DNAAF11: variants seen among roughly 807,000 people sequenced by gnomAD.
DNAAF11 encodes the protein dynein axonemal assembly factor 11.
In DNAAF11, 45 loss-of-function variants were observed where a neutral mutation model predicts 60.8. That is an observed-to-expected ratio of 0.74 (90% confidence interval 0.58 to 0.95). The LOEUF (loss-of-function observed/expected upper bound fraction) is 0.95, where lower values mean the gene tolerates loss of function less well. DNAAF11 is among the 40% of genes least tolerant of loss of function. The probability of loss-of-function intolerance (pLI) is 0.00; values close to 1 mark genes in which losing one functional copy is unlikely to be tolerated. For synonymous variants in DNAAF11, 191 were observed against 183.5 expected (o/e 1.04, Z -0.33); for missense variants, 546 against 546.2 (o/e 1.00, Z 0.00).
chr8:132,608,691 T>C (rs1818352292), intron 10 of DNAAF11: 2 of 232,322 alleles, frequency 8.6e-6, no homozygotes, highest in Non-Finnish European at 1.8e-5. Flanking sequence ...GTTACACAAA[T>C]GTCTGTATCA....
chr8:132,654,825 A>G (rs940551599), intron 3 of DNAAF11, among the ~76,000 whole-genome samples: 4 of 151,924 alleles, frequency 2.6e-5, no homozygotes, highest in African/African-American at 9.7e-5. Flanking sequence ...TCCATAAAAA[A>G]CAACGACTCA....
At chr8:132,631,790 T>C (rs1387614500) in intron 5 of DNAAF11, among the ~76,000 whole-genome samples, 1 of 151,974 alleles carries the variant, frequency 6.6e-6, no homozygotes, top group African/African-American at 2.4e-5. Flanking sequence ...CCGCATGTTC[T>C]CACTCATAGG....
At chr8:132,701,133 T>C in the DNAAF11 span, among the ~76,000 whole-genome samples, 2 of 152,064 alleles carry the variant, frequency 1.3e-5, no homozygotes, top group East Asian at 1.9e-4. Flanking sequence ...TCACCTTTTT[T>C]AAGGGTCCCA....
At chr8:132,599,383 C>T (rs543504960) in intron 10 of DNAAF11, among the ~76,000 whole-genome samples, 1 of 152,262 alleles carries the variant, frequency 6.6e-6, no homozygotes, top group East Asian at 1.9e-4. Flanking sequence ...GAAACTATTC[C>T]AATCAATAGA....
At chr8:132,637,848 T>C (rs1344452066) in intron 4 of DNAAF11, 87 bp downstream of exon 4, 1 of 1,128,518 alleles carries the variant, frequency 8.9e-7, no homozygotes, top group East Asian at 2.4e-5. Context: ...AAGCAACACA[T>C]TCACTGTTGC....
intron 3 of DNAAF11, among the ~76,000 whole-genome samples, chr8:132,655,135 A>G (rs1823416118): frequency 6.6e-6 from 1 of 152,084 alleles, no homozygotes; most frequent in Admixed American, 6.5e-5. Flanking sequence ...AAACAACTGT[A>G]TGGTAAAGAA....
At chr8:132,652,881 G>A (rs1029833312) in intron 3 of DNAAF11, among the ~76,000 whole-genome samples, 33 of 151,854 alleles carry the variant, frequency 2.2e-4, no homozygotes, top group African/African-American at 7.5e-4. Flanking sequence ...CATGGCACGC[G>A]TATACCTATG....
At chr8:132,594,209 C>T (rs1326154122) in intron 10 of DNAAF11, among the ~76,000 whole-genome samples, 1 of 152,006 alleles carries the variant, frequency 6.6e-6, no homozygotes, top group Non-Finnish European at 1.5e-5. Context: ...TATTTATTTA[C>T]CAGAAGGCAA....
chr8:132,687,803 C>A, the DNAAF11 span: 1 of 412,400 alleles, frequency 2.4e-6, no homozygotes. Context: ...TATTGACCTG[C>A]ATTAACTGTA....
At chr8:132,608,743 G>T (rs886773442) in intron 10 of DNAAF11, among the ~76,000 whole-genome samples, 1 of 152,124 alleles carries the variant, frequency 6.6e-6, no homozygotes, top group Non-Finnish European at 1.5e-5. Flanking sequence ...TTTCCCTATA[G>T]AATATTCTGG....
Position 132,572,322 on chromosome 8 carries a change from A to C in DNAAF11, c.1385T>G (p.Val462Gly), listed in dbSNP as rs1563951609. 1 of 1,612,238 alleles carries C rather than the reference A, an allele frequency of 6.2e-7. No individual in the cohort carries two copies. Among genetic ancestry groups the C allele is most frequent in the Admixed American group, 1.7e-5 (1 of 59,602 alleles). Residue 462 changes from valine to glycine, a missense_variant, in exon 12 of 12, where the codon GTG (valine) becomes GGG (glycine). Transcript: ENST00000620350. ...CCAGATGTTTCAAATCAGCGGAGGC[A>C]CTTCAGGGTTGTCTTCAAAGGTTGG... ...EDPTFEDNPE[V>G]PPLI
chr8:132,593,076 G>A (rs1816630173), intron 10 of DNAAF11, among the ~76,000 whole-genome samples: 1 of 151,682 alleles, frequency 6.6e-6, no homozygotes, highest in Admixed American at 6.6e-5. Flanking sequence ...TAAGGAATGA[G>A]CAAAGGAAGA....
intron 11 of DNAAF11, among the ~76,000 whole-genome samples, chr8:132,579,114 T>C (rs1011144396): frequency 4.6e-5 from 7 of 152,234 alleles, no homozygotes; most frequent in African/African-American, 1.7e-4. Context: ...TGAATTTAGA[T>C]GAAAGTGGTT....
At chr8:132,593,299 T>C (rs996160704) in intron 10 of DNAAF11, among the ~76,000 whole-genome samples, 3 of 137,236 alleles carry the variant, frequency 2.2e-5, no homozygotes, top group African/African-American at 8.2e-5. Flanking sequence ...TTCTGACAGA[T>C]AAAAATAATA....
chr8:132,577,148 C>T (rs1212334958), intron 11 of DNAAF11, among the ~76,000 whole-genome samples: 2 of 152,076 alleles, frequency 1.3e-5, no homozygotes, highest in Non-Finnish European at 2.9e-5. Flanking sequence ...CTGAAACCAC[C>T]ATCCTGGAGG....
intron 1 of DNAAF11, among the ~76,000 whole-genome samples, chr8:132,671,237 A>G (rs1211158833): frequency 6.6e-6 from 1 of 152,198 alleles, no homozygotes; most frequent in Non-Finnish European, 1.5e-5. Flanking sequence ...GCAGAATATA[A>G]GATCTATATG....
At chr8:132,667,449 G>A (rs1481666842) in intron 1 of DNAAF11, among the ~76,000 whole-genome samples, 2 of 152,116 alleles carry the variant, frequency 1.3e-5, no homozygotes, top group Admixed American at 1.3e-4. Context: ...TGCTTTGGAA[G>A]CATTAATATG....
chr8:132,624,760 T>C (rs916050211), intron 6 of DNAAF11, among the ~76,000 whole-genome samples: 45 of 152,134 alleles, frequency 3.0e-4, no homozygotes, highest in African/African-American at 1.1e-3. Flanking sequence ...CTGAAGATAA[T>C]AGCATAAAAA....
intron 10 of DNAAF11, among the ~76,000 whole-genome samples, chr8:132,600,745 C>T (rs1313382366): frequency 2.0e-5 from 3 of 152,174 alleles, no homozygotes; most frequent in Non-Finnish European, 4.4e-5. Context: ...AACTGGATCC[C>T]TTCCTTACAC....
Sources: gnomAD v4.1 joint callset for allele counts (sites outside exome capture counted in the v4.1 genomes callset) on GRCh38, gnomAD v4.1.1 for gene constraint, MANE v1.5 for transcripts, NCBI Gene and HGNC (gene_info 2026-07-23, HGNC 2026-07-21) for gene names.